The following SYT1 variants were observed in gnomAD, a reference collection of about 807,000 sequenced individuals.
SYT1 encodes synaptotagmin-1.
In SYT1, 8 loss-of-function variants were observed where a neutral mutation model predicts 44.8. The observed-to-expected ratio is 0.18, with a 90% CI of 0.10 to 0.32. The LOEUF is 0.32. Ranked by LOEUF, SYT1 falls within the 10% of genes least tolerant of loss-of-function variation. The pLI is 1.00. For missense variants in SYT1, 286 were observed against 509.3 expected (o/e 0.56, Z 4.22); for synonymous variants, 154 against 188.8 (o/e 0.82, Z 1.51).
intron 9 of SYT1, among the ~76,000 whole-genome samples, chr12:79,367,943 G>T (rs1016235203): frequency 4.6e-5 from 7 of 151,392 alleles, no homozygotes; most frequent in Admixed American, 4.0e-4. Flanking sequence ...TAGGGTACAT[G>T]TGCACAATGC....
chr12:79,286,723 T>A (rs190676846), intron 5 of SYT1, among the ~76,000 whole-genome samples: 17 of 152,272 alleles, frequency 1.1e-4, no homozygotes, highest in Admixed American at 1.1e-3. Flanking sequence ...GACAACTTGG[T>A]TCAAGATAAT....
chr12:78,902,802 T>G (rs1399486675), intron 1 of SYT1, among the ~76,000 whole-genome samples: 2 of 152,184 alleles, frequency 1.3e-5, no homozygotes, highest in Non-Finnish European at 2.9e-5. Context: ...TGTGTTTTGT[T>G]TGATCTTGAC....
chr12:79,038,052 A>T (rs1873255724), intron 2 of SYT1, among the ~76,000 whole-genome samples: 2 of 151,636 alleles, frequency 1.3e-5, no homozygotes, highest in Admixed American at 1.3e-4. Flanking sequence ...TTCTCACAAA[A>T]AGCTGCAGGG....
chr12:79,071,981 T>C (rs939116490), intron 3 of SYT1, among the ~76,000 whole-genome samples: 3 of 152,126 alleles, frequency 2.0e-5, no homozygotes, highest in African/African-American at 4.8e-5. Flanking sequence ...AAACACTGGA[T>C]TTCTGCCATT....
intron 3 of SYT1, among the ~76,000 whole-genome samples, chr12:79,196,066 C>T (rs1047580672): frequency 6.6e-6 from 1 of 152,302 alleles, no homozygotes; most frequent in East Asian, 1.9e-4. Flanking sequence ...GAACAGACAT[C>T]TCTTGCCCAG....
At chr12:79,308,164 T>C (rs1305180879) in intron 8 of SYT1, among the ~76,000 whole-genome samples, 1 of 152,154 alleles carries the variant, frequency 6.6e-6, no homozygotes, top group African/African-American at 2.4e-5. Flanking sequence ...CATGCCAATA[T>C]GAAGCAGAAT....
chr12:79,403,786 C>A (rs1022810265), intron 9 of SYT1, among the ~76,000 whole-genome samples: 1 of 152,124 alleles, frequency 6.6e-6, no homozygotes, highest in Non-Finnish European at 1.5e-5. Context: ...GTTAGAAATG[C>A]AAATTCTCAG....
chr12:79,298,734 G>A (rs1879991846), intron 7 of SYT1, among the ~76,000 whole-genome samples: 1 of 152,072 alleles, frequency 6.6e-6, no homozygotes, highest in Admixed American at 6.6e-5. Context: ...CTCATCCTAA[G>A]GCATGTCATA....
intron 2 of SYT1, among the ~76,000 whole-genome samples, chr12:79,040,641 G>C (rs1348916136): frequency 1.3e-5 from 2 of 151,920 alleles, no homozygotes; most frequent in Non-Finnish European, 2.9e-5. Flanking sequence ...GATCCCATTT[G>C]TCAATTTTGT....
chr12:78,894,563 G>A (rs532856529), intron 1 of SYT1, among the ~76,000 whole-genome samples: 29 of 151,222 alleles, frequency 1.9e-4, no homozygotes, highest in African/African-American at 6.3e-4. Context: ...AACTCCTCAC[G>A]ATTAAATGAA....
At chr12:79,234,466 A>G (rs931027180) in intron 4 of SYT1, among the ~76,000 whole-genome samples, 1 of 152,196 alleles carries the variant, frequency 6.6e-6, no homozygotes, top group Non-Finnish European at 1.5e-5. Context: ...TTCTGTTATT[A>G]CAAATTAGTT....
At chr12:79,085,252 A>T (rs1209924039) in intron 3 of SYT1, among the ~76,000 whole-genome samples, 1 of 152,126 alleles carries the variant, frequency 6.6e-6, no homozygotes, top group Non-Finnish European at 1.5e-5. Flanking sequence ...ATGACATACC[A>T]TTACTACAGT....
chr12:79,280,451 C>G (rs1220464621), intron 4 of SYT1, among the ~76,000 whole-genome samples: 1 of 151,762 alleles, frequency 6.6e-6, no homozygotes, highest in Admixed American at 6.6e-5. Context: ...TAGCCAAATA[C>G]AGAAGAATGA....
At chr12:79,238,724 C>T (rs1279919111) in intron 4 of SYT1, among the ~76,000 whole-genome samples, 1 of 152,194 alleles carries the variant, frequency 6.6e-6, no homozygotes, top group African/African-American at 2.4e-5. Context: ...ATATCCACAC[C>T]CTTGATGTCA....
chr12:78,912,735 G>A (rs1592551896), intron 1 of SYT1, among the ~76,000 whole-genome samples: 1 of 151,846 alleles, frequency 6.6e-6, no homozygotes, highest in African/African-American at 2.4e-5. Context: ...GGCTTATTGG[G>A]CATCATGTGT....
chr12:79,140,718 C>T (rs550309413), intron 3 of SYT1, among the ~76,000 whole-genome samples: 3 of 152,244 alleles, frequency 2.0e-5, no homozygotes, highest in Non-Finnish European at 4.4e-5. Flanking sequence ...CTCATACATG[C>T]TGAAGTTTGG....
intron 2 of SYT1, among the ~76,000 whole-genome samples, chr12:79,031,278 C>T (rs188647933): frequency 1.4e-4 from 21 of 151,026 alleles, no homozygotes; most frequent in East Asian, 1.4e-3. Flanking sequence ...ATTAAATAAA[C>T]GTAAATTTTA....
chr12:79,339,929 T>C (rs1169054063), intron 8 of SYT1, among the ~76,000 whole-genome samples: 1 of 152,230 alleles, frequency 6.6e-6, no homozygotes, highest in Non-Finnish European at 1.5e-5. Context: ...AAATAGGGAA[T>C]CCTTTCCCCA....
At chr12:79,240,065 C>T (rs1282387260) in intron 4 of SYT1, among the ~76,000 whole-genome samples, 1 of 152,142 alleles carries the variant, frequency 6.6e-6, no homozygotes, top group Non-Finnish European at 1.5e-5. Context: ...CCACATAGCA[C>T]AATCCATTAC....
Sources: allele counts gnomAD v4.1 joint callset (sites outside exome capture counted in the v4.1 genomes callset), GRCh38; gene constraint gnomAD v4.1.1; transcripts MANE v1.5; gene names NCBI Gene and HGNC (gene_info 2026-07-23, HGNC 2026-07-21).